EXOC4: variants seen among roughly 807,000 people sequenced by gnomAD.
EXOC4 encodes SEC8-like 1.
In EXOC4, 71 loss-of-function variants were observed where a neutral mutation model predicts 107.2. The observed-to-expected ratio is 0.66, with a 90% CI of 0.55 to 0.81. EXOC4 has a LOEUF of 0.81. Among genes scored for constraint, EXOC4 ranks in the 30% least tolerant of loss-of-function variants. EXOC4 has a pLI of 0.00. For missense variants in EXOC4, 1,108 were observed against 1,189.6 expected, an observed-to-expected ratio of 0.93 and a Z score of 1.01; for synonymous variants, 456 against 441.2, an observed-to-expected ratio of 1.03 and a Z score of -0.42.
chr7:133,943,946 A>G (rs995242423), intron 14 of EXOC4, among the ~76,000 whole-genome samples: 2 of 152,130 alleles, frequency 1.3e-5, no homozygotes, highest in Admixed American at 6.5e-5. Context: ...AATAATGTCA[A>G]TGTATCCATG....
intron 10 of EXOC4, among the ~76,000 whole-genome samples, chr7:133,810,096 G>C (rs200749906): frequency 6.7e-6 from 1 of 148,498 alleles, no homozygotes; most frequent in Non-Finnish European, 1.5e-5. Context: ...AATTTTAAAA[G>C]CTTTTTAGGA....
intron 15 of EXOC4, among the ~76,000 whole-genome samples, chr7:134,000,041 A>T (rs913511117): frequency 6.6e-6 from 1 of 152,206 alleles, no homozygotes; most frequent in Admixed American, 6.5e-5. Context: ...ATGTAGAATT[A>T]TCTTTCCTTG....
At chr7:134,008,385 G>T (rs988411775) in intron 17 of EXOC4, among the ~76,000 whole-genome samples, 1 of 152,016 alleles carries the variant, frequency 6.6e-6, no homozygotes, top group African/African-American at 2.4e-5. Context: ...CCTTGAAAAC[G>T]TTACTTTTAA....
At chr7:133,400,746 C>G (rs1797071342) in intron 7 of EXOC4, among the ~76,000 whole-genome samples, 1 of 152,142 alleles carries the variant, frequency 6.6e-6, no homozygotes, top group Non-Finnish European at 1.5e-5. Flanking sequence ...TTCTATCACC[C>G]CTTTGAGGGG....
rs144153345 is a variant in EXOC4, at chr7:133,953,006, T to A, written c.2206+14937T>A. Among the ~76,000 whole-genome samples, 402 of 152,352 alleles carry A rather than the reference T, an allele frequency of 2.6e-3. 1 individual carries two copies. Among genetic ancestry groups the A allele is most frequent in the African/African-American group, 9.4e-3 (389 of 41,584 alleles). On this transcript the variant is annotated intron_variant, in intron 14 of 17. Coordinates refer to ENST00000253861, the MANE Select transcript of EXOC4 (RefSeq NM_021807.4). Reference sequence around the variant, plus strand: ...CTGGTTTTCAGATCATTTGGGTATATACCCAGAAGTGAAATTGTGGAAATT... The same window carrying A: ...CTGGTTTTCAGATCATTTGGGTATAAACCCAGAAGTGAAATTGTGGAAATT...
chr7:133,390,693 A>G (rs1272757271), intron 7 of EXOC4, among the ~76,000 whole-genome samples: 2 of 152,214 alleles, frequency 1.3e-5, no homozygotes, highest in Non-Finnish European at 1.5e-5. Context: ...TTTCTCTCTT[A>G]TATCCAGAGA....
intron 10 of EXOC4, among the ~76,000 whole-genome samples, chr7:133,650,487 G>T (rs757856556): frequency 4.0e-5 from 6 of 151,686 alleles, no homozygotes; most frequent in Non-Finnish European, 7.4e-5. Flanking sequence ...CAAATTGGTG[G>T]GTTTTTTTAA....
At chr7:134,010,702 T>C (rs1445404587) in intron 17 of EXOC4, among the ~76,000 whole-genome samples, 2 of 152,230 alleles carry the variant, frequency 1.3e-5, no homozygotes, top group Non-Finnish European at 2.9e-5. Context: ...AGGAATGTTA[T>C]CTTCTAACAC....
At chr7:133,830,487 T>G (rs543424490) in intron 11 of EXOC4, among the ~76,000 whole-genome samples, 7 of 152,216 alleles carry the variant, frequency 4.6e-5, no homozygotes, top group African/African-American at 1.7e-4. Flanking sequence ...GCTAAATGAA[T>G]AAAATGAAAA....
At chr7:133,792,826 C>G (rs1009817368) in intron 10 of EXOC4, among the ~76,000 whole-genome samples, 1 of 152,016 alleles carries the variant, frequency 6.6e-6, no homozygotes, top group Admixed American at 6.6e-5. Context: ...AAATAGCATG[C>G]ATTTATCGTT....
At chr7:134,076,913 A>C in the EXOC4 span, among the ~76,000 whole-genome samples, 2 of 152,160 alleles carry the variant, frequency 1.3e-5, no homozygotes. Context: ...GTAACACTCC[A>C]TAACTTACAT....
intron 17 of EXOC4, among the ~76,000 whole-genome samples, chr7:134,012,062 G>T (rs1794780439): frequency 1.3e-5 from 2 of 152,158 alleles, no homozygotes; most frequent in African/African-American, 4.8e-5. Context: ...AGTGAGCAGG[G>T]GAAGAGTAAG....
chr7:133,755,325 A>AATGTAT (rs1795892039), intron 10 of EXOC4, among the ~76,000 whole-genome samples: 1 of 102,132 alleles, frequency 9.8e-6, no homozygotes, highest in Non-Finnish European at 2.0e-5. Flanking sequence ...ATATATATAT[A>AATGTAT]ATATATATAT....
chr7:133,825,007 C>T (rs1220037207), intron 11 of EXOC4, among the ~76,000 whole-genome samples: 1 of 152,038 alleles, frequency 6.6e-6, no homozygotes, highest in Non-Finnish European at 1.5e-5. Context: ...GCAATCGATT[C>T]AGTTTGCTAT....
At chr7:133,773,361 C>T (rs1419120076) in intron 10 of EXOC4, among the ~76,000 whole-genome samples, 1 of 151,980 alleles carries the variant, frequency 6.6e-6, no homozygotes, top group Non-Finnish European at 1.5e-5. Flanking sequence ...CAGATTCTCG[C>T]TCCCTGACCC....
At chr7:133,547,858 C>T (rs1259599718) in intron 9 of EXOC4, among the ~76,000 whole-genome samples, 1 of 152,098 alleles carries the variant, frequency 6.6e-6, no homozygotes, top group Non-Finnish European at 1.5e-5. Context: ...GGTTTGGAAC[C>T]AACTTCCAAA....
chr7:133,540,844 C>T (rs1800365975), intron 9 of EXOC4, among the ~76,000 whole-genome samples: 1 of 152,112 alleles, frequency 6.6e-6, no homozygotes, highest in Admixed American at 6.6e-5. Flanking sequence ...CTATTTACTG[C>T]TCATCAGAAA....
intron 14 of EXOC4, among the ~76,000 whole-genome samples, chr7:133,943,469 T>C (rs938700178): frequency 6.6e-6 from 1 of 152,150 alleles, no homozygotes; most frequent in African/African-American, 2.4e-5. Flanking sequence ...ACCTCTAAAA[T>C]CTTTACTATA....
intron 17 of EXOC4, among the ~76,000 whole-genome samples, chr7:134,032,714 C>A (rs1317358713): frequency 6.6e-6 from 1 of 152,186 alleles, no homozygotes. Flanking sequence ...CAGCATGTCT[C>A]TTCTGTACTG....
Sources: gnomAD v4.1 joint callset for allele counts (sites outside exome capture counted in the v4.1 genomes callset) on GRCh38, gnomAD v4.1.1 for gene constraint, MANE v1.5 for transcripts, NCBI Gene and HGNC (gene_info 2026-07-23, HGNC 2026-07-21) for gene names.